The following SGCD variants were observed in gnomAD, a reference collection of about 807,000 sequenced individuals.
SGCD encodes delta-sarcoglycan.
In SGCD, 18 loss-of-function variants were observed where a neutral mutation model predicts 36.6. That is an observed-to-expected ratio of 0.49 (90% CI 0.34 to 0.73). The LOEUF (loss-of-function observed/expected upper bound fraction) is 0.73. SGCD is among the 30% of genes least tolerant of loss of function. The pLI, the probability that SGCD is intolerant of heterozygous loss-of-function variation, is 0.01. For missense variants in SGCD, 387 were observed against 346.7 expected (o/e 1.12, Z -0.92); for synonymous variants, 133 against 130.6 (o/e 1.02, Z -0.12).
the SGCD span, among the ~76,000 whole-genome samples, chr5:155,748,029 C>T: frequency 6.6e-6 from 1 of 152,096 alleles, no homozygotes; most frequent in African/African-American, 2.4e-5. Flanking sequence ...GGGTAAGAAT[C>T]AAATCCTTTC....
At chr5:156,233,261 G>T (rs138959302) in intron 3 of SGCD, among the ~76,000 whole-genome samples, 8 of 152,234 alleles carry the variant, frequency 5.3e-5, no homozygotes, top group African/African-American at 1.7e-4. Flanking sequence ...AATTATTTGT[G>T]TAATGCCTTT....
chr5:156,148,730 G>GT (rs368924430), intron 3 of SGCD, among the ~76,000 whole-genome samples: 27 of 152,166 alleles, frequency 1.8e-4, no homozygotes, highest in Middle Eastern at 6.8e-3. Context: ...AAATTACAAG[G>GT]TTTTTTCTAG....
At chr5:156,219,260 A>G (rs1160966646) in intron 3 of SGCD, among the ~76,000 whole-genome samples, 1 of 152,232 alleles carries the variant, frequency 6.6e-6, no homozygotes, top group African/African-American at 2.4e-5. Flanking sequence ...ATTAAGTATC[A>G]TATAAGGATA....
At chr5:156,114,828 T>A (rs201739431) in intron 1 of SGCD, among the ~76,000 whole-genome samples, 1 of 152,154 alleles carries the variant, frequency 6.6e-6, no homozygotes, top group African/African-American at 2.4e-5. Flanking sequence ...ATAGGACAGA[T>A]TCCTGGAATC....
intron 7 of SGCD, among the ~76,000 whole-genome samples, chr5:156,710,831 G>A (rs1376892450): frequency 6.6e-6 from 1 of 152,158 alleles, no homozygotes; most frequent in East Asian, 1.9e-4. Flanking sequence ...AAAGGTGCTG[G>A]ACTCTCAGCT....
At chr5:156,495,199 C>A (rs1286476286) in intron 3 of SGCD, among the ~76,000 whole-genome samples, 3 of 152,096 alleles carry the variant, frequency 2.0e-5, no homozygotes, top group Non-Finnish European at 2.9e-5. Flanking sequence ...TCCTCTGGAC[C>A]ACTACTGCTT....
intron 3 of SGCD, among the ~76,000 whole-genome samples, chr5:156,482,683 G>GAAGT (rs1353105612): frequency 1.3e-5 from 2 of 151,908 alleles, no homozygotes; most frequent in Admixed American, 6.6e-5. Context: ...ATGATCTGAA[G>GAAGT]AAGTATCAAG....
At chr5:156,246,120 C>T (rs1402556926) in intron 3 of SGCD, among the ~76,000 whole-genome samples, 1 of 152,134 alleles carries the variant, frequency 6.6e-6, no homozygotes, top group African/African-American at 2.4e-5. Context: ...TCTCTATTGT[C>T]TGTAAGAGTG....
chr5:156,347,865 C>T (rs562282441), intron 3 of SGCD, among the ~76,000 whole-genome samples: 7 of 152,062 alleles, frequency 4.6e-5, no homozygotes, highest in South Asian at 4.1e-4. Context: ...TATATGAAAT[C>T]GGCTCTTTCC....
At position 156,218,937 on chromosome 5, in the gene SGCD, A is replaced by G. The variant is rs114346822; in HGVS notation, c.-44+94918A>G. 4.0e-3 allele frequency among the ~76,000 whole-genome samples: 612 copies of G among 152,330 alleles called. 1 individual carries two copies. The highest frequency in any genetic ancestry group is 0.013 in the African/African-American group (540 of 41,572). On this transcript the variant is annotated intron_variant, in intron 3 of 9. Transcript: ENST00000517913. Reference sequence around the variant, plus strand: ...CCTAGTACAGTGTTTTGTACATAGCAGACTCACCTATCCAGTCATTTTTTT... The same window carrying G: ...CCTAGTACAGTGTTTTGTACATAGCGGACTCACCTATCCAGTCATTTTTTT...
chr5:156,185,731 C>T (rs1763726476), intron 3 of SGCD, among the ~76,000 whole-genome samples: 2 of 150,944 alleles, frequency 1.3e-5, no homozygotes, highest in South Asian at 2.1e-4. Flanking sequence ...AAAACCCTCC[C>T]CTGTGGGACC....
At chr5:156,070,916 C>A (rs1311507419) in intron 1 of SGCD, among the ~76,000 whole-genome samples, 1 of 152,188 alleles carries the variant, frequency 6.6e-6, no homozygotes. Context: ...AGTTTATTTG[C>A]ATAGAGGTGT....
chr5:155,743,735 A>G, the SGCD span, among the ~76,000 whole-genome samples: 15 of 152,222 alleles, frequency 9.9e-5, no homozygotes, highest in African/African-American at 3.6e-4. Context: ...CACCACCTTA[A>G]AATAAAACAA....
At chr5:156,756,218 G>A (rs978426142) in intron 7 of SGCD, among the ~76,000 whole-genome samples, 1 of 152,208 alleles carries the variant, frequency 6.6e-6, no homozygotes, top group African/African-American at 2.4e-5. Flanking sequence ...CTTTGTAACA[G>A]AGAGGAGGAT....
intron 1 of SGCD, among the ~76,000 whole-genome samples, chr5:155,895,687 CAAA>C (rs11361236): frequency 0.011 from 1,511 of 139,516 alleles, 34 homozygotes; most frequent in African/African-American, 0.039. Flanking sequence ...GTAATGGCAC[CAAA>C]AAAAAAAAAA....
At chr5:156,709,349 C>A (rs1754882835) in intron 7 of SGCD, among the ~76,000 whole-genome samples, 2 of 152,156 alleles carry the variant, frequency 1.3e-5, no homozygotes, top group Non-Finnish European at 2.9e-5. Context: ...TGAATGAGGT[C>A]AAATTGCTCC....
intron 7 of SGCD, among the ~76,000 whole-genome samples, chr5:156,709,869 T>A (rs1223981508): frequency 7.6e-6 from 1 of 131,850 alleles, no homozygotes; most frequent in Non-Finnish European, 1.6e-5. Flanking sequence ...CCCCCTACTC[T>A]GGGGAAATGG....
intron 1 of SGCD, among the ~76,000 whole-genome samples, chr5:156,047,768 A>G (rs1005505546): frequency 6.6e-6 from 1 of 152,076 alleles, no homozygotes; most frequent in African/African-American, 2.4e-5. Flanking sequence ...TACAACCTTC[A>G]TTCTCCAGCC....
intron 3 of SGCD, among the ~76,000 whole-genome samples, chr5:156,177,958 A>G (rs955527037): frequency 4.6e-5 from 7 of 152,238 alleles, no homozygotes; most frequent in Admixed American, 2.6e-4. Flanking sequence ...AAATATAAGA[A>G]GTCAAGATGG....
Sources: allele counts gnomAD v4.1 joint callset (sites outside exome capture counted in the v4.1 genomes callset), GRCh38; gene constraint gnomAD v4.1.1; transcripts MANE v1.5; gene names NCBI Gene and HGNC (gene_info 2026-07-23, HGNC 2026-07-21).